The following JAM2 variants were observed in gnomAD, a reference collection of about 807,000 sequenced individuals.
JAM2 encodes the protein junctional adhesion molecule B.
JAM2 carries 17 observed loss-of-function variants against 42.0 expected under a neutral mutation model. That is an observed-to-expected ratio of 0.40 (90% CI 0.28 to 0.61). JAM2 has a LOEUF of 0.61. JAM2 is among the 20% of genes least tolerant of loss of function. The pLI, the probability that JAM2 is intolerant of heterozygous loss-of-function variation, is 0.37. For synonymous variants in JAM2, 118 were observed against 128.6 expected (o/e 0.92, Z 0.56); for missense variants, 319 against 358.3 (o/e 0.89, Z 0.89).
At chr21:25,702,145 A>AT (rs780261164) in intron 5 of JAM2, 25 bp from the exon 6 acceptor site, 8 of 1,313,796 alleles carry the variant, frequency 6.1e-6, no homozygotes, top group African/African-American at 1.4e-5. Flanking sequence ...GGCTTAAAAA[A>AT]ATATATTTTT....
At chr21:25,640,211 G>C (rs1446041513) in intron 1 of JAM2, among the ~76,000 whole-genome samples, 1 of 152,202 alleles carries the variant, frequency 6.6e-6, no homozygotes, top group African/African-American at 2.4e-5. Context: ...GACGTGATTC[G>C]AATGCAAAAC....
intron 7 of JAM2, among the ~76,000 whole-genome samples, chr21:25,706,762 C>T (rs1329187695): frequency 1.3e-5 from 2 of 152,000 alleles, no homozygotes; most frequent in East Asian, 1.9e-4. Context: ...TTTTTTGAGA[C>T]GGAGTCTCAC....
chr21:25,664,963 G>A (rs1483981636), intron 1 of JAM2, among the ~76,000 whole-genome samples: 2 of 152,230 alleles, frequency 1.3e-5, no homozygotes, highest in Non-Finnish European at 2.9e-5. Flanking sequence ...TGAAAGAAGA[G>A]AATAGTGTCA....
chr21:25,694,274 G>A (rs968279605), intron 4 of JAM2, among the ~76,000 whole-genome samples: 1 of 152,178 alleles, frequency 6.6e-6, no homozygotes, highest in Non-Finnish European at 1.5e-5. Context: ...AGATGGTGGA[G>A]AAGCAATAAC....
intron 1 of JAM2, among the ~76,000 whole-genome samples, chr21:25,676,392 C>A (rs1234206719): frequency 6.7e-6 from 1 of 150,292 alleles, no homozygotes; most frequent in South Asian, 2.1e-4. Flanking sequence ...TTAAATAACA[C>A]CTTTATAGTA....
At chr21:25,682,648 T>A (rs2033661426) in intron 1 of JAM2, among the ~76,000 whole-genome samples, 1 of 152,326 alleles carries the variant, frequency 6.6e-6, no homozygotes, top group South Asian at 2.1e-4. Flanking sequence ...CCTCTGCCTT[T>A]TCGCATGGGC....
intron 9 of JAM2, among the ~76,000 whole-genome samples, chr21:25,714,002 C>T (rs2034433034): frequency 6.6e-6 from 1 of 152,240 alleles, no homozygotes; most frequent in African/African-American, 2.4e-5. Context: ...TGGGCCACAT[C>T]ATTCTTTGGT....
chr21:25,672,508 T>C (rs1276425429), intron 1 of JAM2, among the ~76,000 whole-genome samples: 1 of 152,178 alleles, frequency 6.6e-6, no homozygotes, highest in Non-Finnish European at 1.5e-5. Context: ...AGTAAATGAG[T>C]AAGTATATTT....
chr21:25,644,437 C>T (rs576486075), intron 1 of JAM2, among the ~76,000 whole-genome samples: 127 of 152,286 alleles, frequency 8.3e-4, no homozygotes, highest in African/African-American at 2.4e-3. Context: ...GCCCCACTCA[C>T]GGCCCTGTCC....
chr21:25,648,819 G>A (rs573343068), intron 1 of JAM2, among the ~76,000 whole-genome samples: 6 of 152,276 alleles, frequency 3.9e-5, no homozygotes, highest in African/African-American at 1.4e-4. Context: ...GGTACCTAGA[G>A]TACTGCCTGG....
In JAM2 at chr21:25,716,785, T is replaced by C. The variant is rs1256723961; in HGVS notation, c.*2113T>C. The C allele has an allele frequency of 1.3e-5, 2 of 152,250 alleles. No individual in the cohort carries two copies. The highest frequency in any genetic ancestry group is 2.9e-5 in the Non-Finnish European group (2 of 68,044). The allele number at this position is 152,250 out of a possible 1,614,324, so 9.4% of individuals were successfully genotyped here. A position where few individuals can be genotyped will look rare whatever the true frequency, so the allele number is the denominator to read the frequency against. ...TGAAGTACAGAAAAAAACACCTGTC[T>C]ACAAGCTTTTGTAAGAAATCAGGCT... On this transcript the variant is annotated 3_prime_UTR_variant, in exon 10 of 10. Coordinates refer to ENST00000480456, the MANE Select transcript of JAM2 (RefSeq NM_021219.4).
intron 4 of JAM2, among the ~76,000 whole-genome samples, chr21:25,696,496 G>A (rs975135097): frequency 1.3e-5 from 2 of 152,202 alleles, no homozygotes; most frequent in Non-Finnish European, 2.9e-5. Flanking sequence ...ACTAGTATAG[G>A]AGAAATTTAA....
chr21:25,641,490 A>T (rs550573120), intron 1 of JAM2, among the ~76,000 whole-genome samples: 2 of 152,182 alleles, frequency 1.3e-5, no homozygotes, highest in Admixed American at 6.5e-5. Flanking sequence ...GCTAAACTTG[A>T]TTCCTATAGG....
chr21:25,681,811 T>C (rs2033638369), intron 1 of JAM2, among the ~76,000 whole-genome samples: 1 of 152,074 alleles, frequency 6.6e-6, no homozygotes, highest in African/African-American at 2.4e-5. Context: ...TGAAACCCTG[T>C]CTGTACTAAA....
At chr21:25,650,841 T>C (rs538375771) in intron 1 of JAM2, among the ~76,000 whole-genome samples, 1 of 152,166 alleles carries the variant, frequency 6.6e-6, no homozygotes, top group South Asian at 2.1e-4. Context: ...CCGGAAATTA[T>C]GCCAACTTCA....
At chr21:25,669,042 G>T (rs1384329231) in intron 1 of JAM2, among the ~76,000 whole-genome samples, 1 of 152,022 alleles carries the variant, frequency 6.6e-6, no homozygotes, top group Admixed American at 6.6e-5. Context: ...TTAAACCCAG[G>T]GCTTTTCCAC....
Position 25,693,928 on chromosome 21 carries a change from G to A in JAM2, c.394+20G>A. 2 of 1,610,680 alleles carry A rather than the reference G, an allele frequency of 1.2e-6. No individual in the cohort carries two copies. The highest frequency in any genetic ancestry group is 1.7e-6 in the Non-Finnish European group (2 of 1,177,696). On this transcript the variant is annotated intron_variant, in intron 4 of 9. Coordinates refer to ENST00000480456, the MANE Select transcript of JAM2 (RefSeq NM_021219.4). Reference sequence around the variant, plus strand: ...TATTAGGTGATGTGCATGTATGTGTGTGACTACGTCTCCCACTCCTTCTCC... The same window carrying A: ...TATTAGGTGATGTGCATGTATGTGTATGACTACGTCTCCCACTCCTTCTCC...
chr21:25,673,018 T>C (rs1180354513), intron 1 of JAM2, among the ~76,000 whole-genome samples: 1 of 152,178 alleles, frequency 6.6e-6, no homozygotes, highest in African/African-American at 2.4e-5. Context: ...CTATCTAAAA[T>C]CTATAGTTAA....
intron 1 of JAM2, among the ~76,000 whole-genome samples, chr21:25,668,908 G>A (rs1434188847): frequency 6.6e-6 from 1 of 152,168 alleles, no homozygotes; most frequent in African/African-American, 2.4e-5. Context: ...GTGATGGATT[G>A]TGTCAATTGA....
Sources: allele counts gnomAD v4.1 joint callset (sites outside exome capture counted in the v4.1 genomes callset), GRCh38; gene constraint gnomAD v4.1.1; transcripts MANE v1.5; gene names NCBI Gene and HGNC (gene_info 2026-07-23, HGNC 2026-07-21).